Variants in ROBO1 observed in about 807,000 individuals in gnomAD.
The protein encoded by ROBO1 is roundabout guidance receptor 1.
Under a neutral mutation model 195.9 loss-of-function variants are expected in ROBO1, and 149 were observed. That is an observed-to-expected ratio of 0.76 (90% confidence interval 0.67 to 0.87). The LOEUF is 0.87. ROBO1 is among the 40% of genes least tolerant of loss of function. The pLI is 0.00. For synonymous variants in ROBO1, 816 were observed against 733.2 expected (o/e 1.11, Z -1.82); for missense variants, 1,933 against 2,068.3 (o/e 0.93, Z 1.27).
chr3:79,091,291 G>C (rs1483587720), intron 3 of ROBO1, among the ~76,000 whole-genome samples: 1 of 152,074 alleles, frequency 6.6e-6, no homozygotes, highest in Non-Finnish European at 1.5e-5. Flanking sequence ...ACTGTCCATT[G>C]CACTATTTGT....
chr3:79,349,832 A>C (rs1242095798), intron 2 of ROBO1, among the ~76,000 whole-genome samples: 2 of 152,224 alleles, frequency 1.3e-5, no homozygotes, highest in African/African-American at 4.8e-5. Context: ...TGTAAGAATG[A>C]AAACTATAAA....
In ROBO1 at chr3:78,938,936, G is replaced by A. The variant is rs752462094; in HGVS notation, c.173-9C>T. 1 of 1,594,500 alleles carries A rather than the reference G, an allele frequency of 6.3e-7. No homozygotes were observed. The highest frequency in any genetic ancestry group is 8.5e-7 in the Non-Finnish European group (1 of 1,170,594). On this transcript the variant is annotated splice_polypyrimidine_tract_variant and intron_variant, in intron 3 of 30. Transcript: ENST00000464233. ...CTGACGAAGACGGGAGCCTGCAGAA[G>A]AATTCACAAAATATCTTCGTATATC... is the stretch of plus-strand genomic sequence containing the variant.
At chr3:79,072,971 A>T (rs948543108) in intron 3 of ROBO1, among the ~76,000 whole-genome samples, 2 of 151,964 alleles carry the variant, frequency 1.3e-5, no homozygotes, top group Admixed American at 1.3e-4. Flanking sequence ...AATTCTATGG[A>T]GAGATGAGAA....
At chr3:79,330,273 G>GTATATATATATATATATATA (rs34794861) in intron 2 of ROBO1, among the ~76,000 whole-genome samples, 3 of 137,858 alleles carry the variant, frequency 2.2e-5, no homozygotes, top group Admixed American at 1.5e-4. Flanking sequence ...GTATATATAT[G>GTATATATATATATATATATA]TATATATATA....
At chr3:79,316,549 A>T (rs989247336) in intron 2 of ROBO1, among the ~76,000 whole-genome samples, 1 of 152,016 alleles carries the variant, frequency 6.6e-6, no homozygotes, top group Admixed American at 6.6e-5. Flanking sequence ...GGTGGGGGGA[A>T]CTTTTGGAAG....
chr3:79,166,543 G>A lies in ROBO1; in HGVS notation c.89-41004C>T, dbSNP rs2081066619. On this transcript the variant is annotated intron_variant, in intron 2 of 30. Transcript: ENST00000464233. ...TAGAATGTAAGTTGCAGGATGGAAGGCAAGTTTTCTATTTTTCTTTTTTTT... is the reference window on the plus strand; with the variant it reads ...TAGAATGTAAGTTGCAGGATGGAAGACAAGTTTTCTATTTTTCTTTTTTTT... 3.3e-5 allele frequency among the ~76,000 whole-genome samples: 5 copies of A among 150,106 alleles called. No individual in the cohort carries two copies. The South Asian group carries it at 1.0e-3, about 32-fold the overall frequency.
intron 2 of ROBO1, among the ~76,000 whole-genome samples, chr3:79,158,345 A>T (rs1361851928): frequency 1.4e-5 from 2 of 146,628 alleles, no homozygotes; most frequent in Admixed American, 6.7e-5. Context: ...TACATACAAT[A>T]GTATGTAACA....
intron 2 of ROBO1, among the ~76,000 whole-genome samples, chr3:79,521,780 TC>T (rs1217070919): frequency 6.6e-6 from 1 of 151,964 alleles, no homozygotes; most frequent in African/African-American, 2.4e-5. Flanking sequence ...CCGAGACTTG[TC>T]CCATCCACGG....
At chr3:79,705,950 TC>T (rs1947757764) in intron 1 of ROBO1, among the ~76,000 whole-genome samples, 1 of 152,184 alleles carries the variant, frequency 6.6e-6, no homozygotes, top group South Asian at 2.1e-4. Context: ...GTGTTTTTAA[TC>T]TAAAATTCCA....
chr3:79,144,379 T>G (rs549442727), intron 2 of ROBO1, among the ~76,000 whole-genome samples: 1 of 152,192 alleles, frequency 6.6e-6, no homozygotes, highest in Non-Finnish European at 1.5e-5. Flanking sequence ...CTCTGAGAGC[T>G]CGTTCCTTTT....
chr3:79,603,057 C>G (rs997410953), intron 1 of ROBO1, among the ~76,000 whole-genome samples: 1 of 151,944 alleles, frequency 6.6e-6, no homozygotes, highest in Non-Finnish European at 1.5e-5. Context: ...CCTGGCCTTT[C>G]CCTGTTATGT....
rs891708250 is a variant in ROBO1 at position 79,610,881 on chromosome 3, T to A, written c.-50-20920A>T. Among the ~76,000 whole-genome samples, 6 of 152,028 alleles carry A rather than the reference T, an allele frequency of 3.9e-5. No individual in the cohort carries two copies. The East Asian group carries it at 1.2e-3, about 29-fold the overall frequency. ...ATGGAAAATAAGAACTCAAAAAACA[T>A]TAGGAGTCTATCAACACTTCTCTGA... On this transcript the variant is annotated intron_variant, in intron 1 of 30. Transcript: ENST00000464233.
chr3:79,560,808 T>C (rs74768292), intron 2 of ROBO1, among the ~76,000 whole-genome samples: 5,179 of 152,112 alleles, frequency 0.034, 114 homozygotes, highest in Non-Finnish European at 0.052. Flanking sequence ...ACTAAGTGCT[T>C]CGCTATTATG....
intron 5 of ROBO1, among the ~76,000 whole-genome samples, chr3:78,718,804 A>AAGGGAGGGAGGGAGAGAGGGAGAG (rs2081966515): frequency 1.3e-5 from 1 of 76,058 alleles, no homozygotes; most frequent in Non-Finnish European, 2.8e-5. Context: ...GGAAGGAAGG[A>AAGGGAGGGAGGGAGAGAGGGAGAG]AGGGAGGGAG....
intron 25 of ROBO1, among the ~76,000 whole-genome samples, chr3:78,629,559 T>A (rs1027506875): frequency 3.3e-5 from 5 of 152,132 alleles, no homozygotes; most frequent in South Asian, 2.1e-4. Context: ...AGCTGGGTGC[T>A]GTGGTACAAG....
At chr3:78,962,621 C>A (rs945853190) in intron 3 of ROBO1, among the ~76,000 whole-genome samples, 2 of 151,762 alleles carry the variant, frequency 1.3e-5, no homozygotes, top group Non-Finnish European at 2.9e-5. Context: ...GTCAGGAGAT[C>A]GAGACCATCC....
chr3:78,639,239 G>A (rs913042360), intron 22 of ROBO1, among the ~76,000 whole-genome samples: 6 of 151,762 alleles, frequency 4.0e-5, no homozygotes, highest in Non-Finnish European at 4.4e-5. Context: ...AATGGATCAC[G>A]TGAGGCCAGG....
At chr3:79,383,676 G>A (rs1035395417) in intron 2 of ROBO1, among the ~76,000 whole-genome samples, 2 of 152,016 alleles carry the variant, frequency 1.3e-5, no homozygotes, top group Admixed American at 6.6e-5. Context: ...TACCAAAAAA[G>A]TAGGCATGAC....
intron 1 of ROBO1, among the ~76,000 whole-genome samples, chr3:79,593,927 T>C (rs1412076373): frequency 2.0e-5 from 3 of 151,994 alleles, no homozygotes; most frequent in Non-Finnish European, 4.4e-5. Flanking sequence ...TTTTGTTTTG[T>C]TTACTTTTAT....
Sources: gnomAD v4.1 joint callset for allele counts (sites outside exome capture counted in the v4.1 genomes callset) on GRCh38, gnomAD v4.1.1 for gene constraint, MANE v1.5 for transcripts, NCBI Gene and HGNC (gene_info 2026-07-23, HGNC 2026-07-21) for gene names.